Variants in WDFY3 observed in about 807,000 individuals in gnomAD.
WDFY3 encodes WD repeat and FYVE domain containing 3, also known as WD repeat and FYVE domain-containing protein 3.
WDFY3 carries 66 observed loss-of-function variants against 409.6 expected under a neutral mutation model. The observed-to-expected ratio is 0.16, with a 90% CI of 0.13 to 0.20. WDFY3 has a LOEUF of 0.20. Among genes scored for constraint, WDFY3 ranks in the 10% least tolerant of loss-of-function variants. WDFY3 has a pLI of 1.00. For synonymous variants in WDFY3, 1,521 were observed against 1,537.1 expected (o/e 0.99, Z 0.25); for missense variants, 3,031 against 4,298.1 (o/e 0.71, Z 8.24).
chr4:84,718,380 T>G (rs1374826211), intron 48 of WDFY3, 42 bp downstream of exon 48: 2 of 1,561,640 alleles, frequency 1.3e-6, no homozygotes, highest in Non-Finnish European at 1.7e-6. Context: ...TTCTGTCTTC[T>G]AAAGATAGCC....
rs149593290 is a variant in WDFY3, at chr4:84,672,170, A to C, written c.*698T>G. 1 of 152,312 alleles carries C rather than the reference A, an allele frequency of 6.6e-6. No individual in the cohort carries two copies. The highest frequency in any genetic ancestry group is 1.5e-5 in the Non-Finnish European group (1 of 68,028). The allele number at this position is 152,312 out of a possible 1,614,324, so 9.4% of individuals were successfully genotyped here. A position where few individuals can be genotyped will look rare whatever the true frequency, so the allele number is the denominator to read the frequency against. On this transcript the variant is annotated 3_prime_UTR_variant, in exon 68 of 68. Coordinates refer to ENST00000295888, the MANE Select transcript of WDFY3 (RefSeq NM_014991.6). ...TATTCTCCCACACTGTTTCCTAAAGAAGGTCCACATTATTTTGGTTACTAG... is the reference window on the plus strand; with the variant it reads ...TATTCTCCCACACTGTTTCCTAAAGCAGGTCCACATTATTTTGGTTACTAG...
At chr4:84,895,435 T>C (rs975504257) in intron 3 of WDFY3, among the ~76,000 whole-genome samples, 1 of 152,224 alleles carries the variant, frequency 6.6e-6, no homozygotes, top group African/African-American at 2.4e-5. Flanking sequence ...CTAGAACTTA[T>C]TTCTAGCAAA....
At chr4:84,764,846 C>G (rs1034840961) in intron 32 of WDFY3, among the ~76,000 whole-genome samples, 8 of 143,836 alleles carry the variant, frequency 5.6e-5, no homozygotes, top group Non-Finnish European at 1.0e-4. Context: ...GCCTGGGCGA[C>G]AGAGCTAGAC....
chr4:84,771,847 A>C (rs576044013), intron 30 of WDFY3, among the ~76,000 whole-genome samples: 1 of 152,298 alleles, frequency 6.6e-6, no homozygotes, highest in Admixed American at 6.5e-5. Flanking sequence ...ATCATTCTAA[A>C]TGAATTGGCA....
intron 30 of WDFY3, among the ~76,000 whole-genome samples, chr4:84,768,668 C>A (rs1428085323): frequency 6.6e-6 from 1 of 152,210 alleles, no homozygotes; most frequent in Non-Finnish European, 1.5e-5. Flanking sequence ...TGCACCTAGC[C>A]ATCCAAGAGC....
rs138098186 is a variant in WDFY3, at chr4:84,772,916, T to C, written c.4768A>G (p.Ile1590Val). The C allele has an allele frequency of 8.1e-6, 13 of 1,604,412 alleles. No homozygotes were observed. The highest frequency in any genetic ancestry group is 1.3e-5 in the African/African-American group (1 of 74,282). The change falls in exon 30 of 68, where the codon ATT becomes GTT. Residue 1590 changes from isoleucine (I) to valine (V), a missense_variant. Coordinates refer to ENST00000295888, the MANE Select transcript of WDFY3 (RefSeq NM_014991.6). The stretch of plus-strand genomic sequence containing the variant: ...GCAAAGGTTGGCAAAGTAGAAGAAA[T>C]AAACTGCCCAAATCTTTAAACAAAG... ...SNDLLRFGQF[I>V]SSTLPTFAVC...
Position 84,670,784 on chromosome 4 carries a change from CAG to C in WDFY3, c.*2082_*2083del, listed in dbSNP as rs1219116647. ...GCTACAAATCATCTAGAGGGCCAGA[CAG>C]GGGCAAGGCCCACAGTTACATAATA... is the stretch of plus-strand genomic sequence containing the variant. On this transcript the variant is annotated 3_prime_UTR_variant, in exon 68 of 68. Coordinates refer to ENST00000295888, the MANE Select transcript of WDFY3 (RefSeq NM_014991.6). 1 of 152,470 alleles carries C rather than the reference CAG, an allele frequency of 6.6e-6. No individual in the cohort carries two copies. The highest frequency in any genetic ancestry group is 1.5e-5 in the Non-Finnish European group (1 of 68,044). The allele number at this position is 152,470 out of a possible 1,614,324, so 9.4% of individuals were successfully genotyped here.
chr4:84,686,909 G>A (rs1728424126), intron 62 of WDFY3, among the ~76,000 whole-genome samples: 1 of 152,088 alleles, frequency 6.6e-6, no homozygotes. Flanking sequence ...TCTGCTTCAG[G>A]TAGGCTTGGT....
At chr4:84,930,509 G>C (rs1032274637) in intron 2 of WDFY3, among the ~76,000 whole-genome samples, 3 of 152,160 alleles carry the variant, frequency 2.0e-5, no homozygotes, top group Non-Finnish European at 4.4e-5. Context: ...CACAAAGCTA[G>C]TACGTGGCGA....
chr4:84,809,328 C>T, intron 14 of WDFY3: 1 of 151,260 alleles, frequency 6.6e-6, no homozygotes, highest in Non-Finnish European at 1.5e-5. Context: ...ATCCTCAATG[C>T]CTAGCACAGT....
At chr4:84,710,876 G>T (rs1329890773) in intron 51 of WDFY3, among the ~76,000 whole-genome samples, 3 of 152,144 alleles carry the variant, frequency 2.0e-5, no homozygotes, top group Non-Finnish European at 4.4e-5. Flanking sequence ...CTGTATTTAT[G>T]TTAACAACAA....
At chr4:84,767,099 G>A (rs961153342) in intron 30 of WDFY3, among the ~76,000 whole-genome samples, 1 of 151,908 alleles carries the variant, frequency 6.6e-6, no homozygotes, top group African/African-American at 2.4e-5. Flanking sequence ...CATACAGCAA[G>A]TCCAATCAGG....
In WDFY3 at chr4:84,841,243, C is replaced by T. The variant is rs1450599354; in HGVS notation, c.325G>A (p.Val109Ile). ...KSTEAASRAI[V>I]QFLEINQSEE... is the part of the protein sequence containing the mutation. ...CTCTGATTAATCTCTAGGAACTGAA[C>T]TATGGCCCGACTTGCAGCCTCTATA... Residue 109 changes from valine (V) to isoleucine (I), a missense_variant, in exon 6 of 68, where the codon GTT becomes ATT. This residue lies in a region of WDFY3 where 1,322 missense variants were observed against 1,697.9 expected (regional missense o/e 0.78). Coordinates refer to ENST00000295888, the MANE Select transcript of WDFY3 (RefSeq NM_014991.6). 6.2e-7 allele frequency: 1 copy of T among 1,612,798 alleles called. No homozygotes were observed. Among genetic ancestry groups the T allele is most frequent in the South Asian group, 1.1e-5 (1 of 90,650 alleles).
At position 84,882,681 on chromosome 4, in the gene WDFY3, T is replaced by C. The variant is rs571527274; in HGVS notation, c.-32+14230A>G. On this transcript the variant is annotated intron_variant, in intron 3 of 67. Coordinates refer to ENST00000295888, the MANE Select transcript of WDFY3 (RefSeq NM_014991.6). ...CAAAAATTACTTGTCAGTGGATTTA[T>C]ACCCTTTGTTAATCAGAGTATTATT... 8.0e-4 allele frequency among the ~76,000 whole-genome samples: 121 copies of C among 152,104 alleles called. 3 individuals carry two copies. The highest frequency in any genetic ancestry group is 3.1e-4 in the Non-Finnish European group (21 of 68,020).
Position 84,809,702 on chromosome 4 carries a change from T to TA in WDFY3, c.2345+184dup, listed in dbSNP as rs540179297. The TA allele has an allele frequency of 0.14, 56,920 of 404,118 alleles. 430 individuals carry two copies. Among genetic ancestry groups the TA allele is most frequent in the African/African-American group, 0.2 (7,636 of 38,658 alleles). 25.0% of individuals were successfully genotyped at this position (404,118 alleles called of 1,614,324 possible). A position where few individuals can be genotyped will look rare whatever the true frequency, so the allele number is the denominator to read the frequency against. ...ACAAATAGTACACAGGCTTCCATGC[T>TA]AAAAAAAAAAAAAAACAATACCAGA... On this transcript the variant is annotated intron_variant, in intron 14 of 67. Coordinates refer to ENST00000295888, the MANE Select transcript of WDFY3 (RefSeq NM_014991.6).
In WDFY3 at chr4:84,829,170, A is replaced by G; in HGVS notation, c.790T>C (p.Cys264Arg). 1 of 1,593,856 alleles carries G rather than the reference A, an allele frequency of 6.3e-7. No individual in the cohort carries two copies. Among genetic ancestry groups the G allele is most frequent in the Non-Finnish European group, 8.6e-7 (1 of 1,168,684 alleles). The change falls in exon 9 of 68, where the codon TGT (cysteine) becomes CGT (arginine). Residue 264 changes from cysteine (C) to arginine (R), a missense_variant. By Grantham distance (180) the Cys-to-Arg change is radical. Transcript: ENST00000295888. ...TCTGATTGCTGCATATTCTGAACAC[A>G]TGTAGATAAACACTCTTTCTCTGTA... ...YIHEKECLSTCVQNMQQSDDL... is the reference protein window; with the variant it reads ...YIHEKECLSTRVQNMQQSDDL...
intron 3 of WDFY3, among the ~76,000 whole-genome samples, chr4:84,876,218 T>C (rs1286145625): frequency 1.3e-5 from 2 of 152,234 alleles, no homozygotes; most frequent in Non-Finnish European, 2.9e-5. Flanking sequence ...AGCCTCATTA[T>C]AGTCTCTGGG....
At chr4:84,961,215 C>A (rs1387441898) in intron 1 of WDFY3, among the ~76,000 whole-genome samples, 566 of 108,580 alleles carry the variant, frequency 5.2e-3, no homozygotes, top group Non-Finnish European at 5.3e-3. Context: ...GACTCTGTCT[C>A]AAAAAAAAAA....
intron 2 of WDFY3, among the ~76,000 whole-genome samples, chr4:84,912,412 C>G (rs1350367476): frequency 1.3e-5 from 2 of 152,142 alleles, no homozygotes; most frequent in African/African-American, 2.4e-5. Flanking sequence ...ACTTTTTTAT[C>G]TCATAATGAA....
Sources: allele counts gnomAD v4.1 joint callset (sites outside exome capture counted in the v4.1 genomes callset), GRCh38; gene constraint gnomAD v4.1.1; regional missense constraint gnomAD v4.1.1; transcripts MANE v1.5; gene names NCBI Gene and HGNC (gene_info 2026-07-23, HGNC 2026-07-21).